Variants in PCMTD1 observed in about 807,000 individuals in gnomAD.
The protein encoded by PCMTD1 is protein-L-isoaspartate (D-aspartate) O-methyltransferase domain containing 1, also known as protein-L-isoaspartate O-methyltransferase domain-containing protein 1.
In PCMTD1, 12 loss-of-function variants were observed where a neutral mutation model predicts 37.6. That is an observed-to-expected ratio of 0.32 (90% CI 0.20 to 0.52). PCMTD1 has a LOEUF of 0.52. Ranked by LOEUF, PCMTD1 falls within the 20% of genes least tolerant of loss-of-function variation. The pLI, the probability that PCMTD1 is intolerant of heterozygous loss-of-function variation, is 0.97. For synonymous variants in PCMTD1, 117 were observed against 135.8 expected (o/e 0.86, Z 0.96); for missense variants, 235 against 421.3 (o/e 0.56, Z 3.87).
chr8:51,820,474 TTCC>T lies in PCMTD1; in HGVS notation c.948_950del (p.Glu317del). The T allele has an allele frequency of 3.1e-6, 5 of 1,614,058 alleles. No individual in the cohort carries two copies. The highest frequency in any genetic ancestry group is 4.2e-6 in the Non-Finnish European group (5 of 1,179,954). ...GCTTCATTGCTTCATTGTGATCTTT[TTCC>T]TCCTCTTCTTTGTTATCCTCTTCCA... On this transcript the variant is annotated inframe_deletion, in exon 6 of 6. Coordinates refer to ENST00000522514, the MANE Select transcript of PCMTD1 (RefSeq NM_052937.4).
intron 1 of PCMTD1, chr8:51,896,242 G>C (rs923720088): frequency 1.3e-5 from 2 of 152,006 alleles, no homozygotes; most frequent in Non-Finnish European, 2.9e-5. Context: ...CACTGCCCCC[G>C]GCCGCCACAT....
chr8:51,890,608 TATA>T (rs1383513763), intron 1 of PCMTD1, among the ~76,000 whole-genome samples: 4 of 152,328 alleles, frequency 2.6e-5, no homozygotes, highest in Non-Finnish European at 1.5e-5. Context: ...ACTACAAAGA[TATA>T]ATGATACATA....
chr8:51,848,253 A>AC (rs2038252294), intron 2 of PCMTD1, among the ~76,000 whole-genome samples: 1 of 151,214 alleles, frequency 6.6e-6, no homozygotes, highest in Non-Finnish European at 1.5e-5. Flanking sequence ...TGCCACTACA[A>AC]TCCGGGCTGG....
intron 5 of PCMTD1, among the ~76,000 whole-genome samples, chr8:51,829,904 T>C (rs747703606): frequency 2.0e-5 from 3 of 152,158 alleles, no homozygotes; most frequent in Non-Finnish European, 4.4e-5. Flanking sequence ...CAAATTCCTA[T>C]GCAATAAGTT....
chr8:51,843,938 C>T (rs1015219978), intron 3 of PCMTD1, among the ~76,000 whole-genome samples: 1 of 152,128 alleles, frequency 6.6e-6, no homozygotes, highest in Non-Finnish European at 1.5e-5. Flanking sequence ...TAAAAATTTG[C>T]TTTCACTAAT....
intron 2 of PCMTD1, among the ~76,000 whole-genome samples, chr8:51,860,316 T>C (rs562183002): frequency 6.4e-4 from 97 of 152,362 alleles, no homozygotes; most frequent in Non-Finnish European, 1.0e-3. Flanking sequence ...CTTTTGATCA[T>C]TGGCATATGC....
At chr8:51,865,052 T>C (rs946100443) in intron 1 of PCMTD1, among the ~76,000 whole-genome samples, 5 of 152,122 alleles carry the variant, frequency 3.3e-5, no homozygotes, top group African/African-American at 9.7e-5. Context: ...TAAGAGACTA[T>C]GAACAATTAT....
chr8:51,895,938 CTTTTTTTTTTTTTTT>C (rs869265261), intron 1 of PCMTD1: 1 of 25,736 alleles, frequency 3.9e-5, no homozygotes, highest in African/African-American at 5.8e-5. Flanking sequence ...TGTCCCATTT[CTTTTTTTTTTTTTTT>C]TTTTTTTTTT....
intron 2 of PCMTD1, among the ~76,000 whole-genome samples, chr8:51,850,237 G>T (rs1205856172): frequency 6.6e-6 from 1 of 152,076 alleles, no homozygotes; most frequent in East Asian, 1.9e-4. Flanking sequence ...ATTAAATTAT[G>T]TAAAACTTTG....
At chr8:51,848,145 TA>T (rs2038250598) in intron 2 of PCMTD1, among the ~76,000 whole-genome samples, 1 of 151,948 alleles carries the variant, frequency 6.6e-6, no homozygotes, top group Non-Finnish European at 1.5e-5. Flanking sequence ...GTTACATGTT[TA>T]TAAAAAAAGA....
At chr8:51,843,726 C>T (rs1449798196) in intron 3 of PCMTD1, among the ~76,000 whole-genome samples, 1 of 152,018 alleles carries the variant, frequency 6.6e-6, no homozygotes, top group Non-Finnish European at 1.5e-5. Context: ...ACATATTTTC[C>T]TGTTTCCCAG....
intron 1 of PCMTD1, among the ~76,000 whole-genome samples, chr8:51,886,065 A>G (rs549838899): frequency 6.6e-6 from 1 of 152,242 alleles, no homozygotes; most frequent in Non-Finnish European, 1.5e-5. Flanking sequence ...TCTTTCCTCC[A>G]AACTGGTAAG....
chr8:51,895,192 G>C (rs2038983360), intron 1 of PCMTD1, among the ~76,000 whole-genome samples: 1 of 152,160 alleles, frequency 6.6e-6, no homozygotes. Flanking sequence ...TTCAGGAAGT[G>C]AGAGAGAAAA....
intron 3 of PCMTD1, among the ~76,000 whole-genome samples, chr8:51,840,193 T>C (rs1166691153): frequency 2.6e-5 from 4 of 152,274 alleles, no homozygotes; most frequent in South Asian, 2.1e-4. Context: ...GAGAAATTCA[T>C]AGTAACAAAA....
intron 1 of PCMTD1, among the ~76,000 whole-genome samples, chr8:51,897,863 A>G (rs1517306): frequency 0.51 from 77,133 of 152,092 alleles, 23,676 homozygotes; most frequent in Non-Finnish European, 0.68. Context: ...TCCATGATGC[A>G]TTGTTGGCTA....
intron 2 of PCMTD1, among the ~76,000 whole-genome samples, chr8:51,846,190 C>T (rs148234448): frequency 1.6e-3 from 239 of 152,312 alleles, no homozygotes; most frequent in African/African-American, 5.3e-3. Flanking sequence ...CTCAGGGCAT[C>T]GCTACCCCCA....
At chr8:51,847,447 C>CA (rs964154413) in intron 2 of PCMTD1, among the ~76,000 whole-genome samples, 1 of 151,830 alleles carries the variant, frequency 6.6e-6, no homozygotes, top group Non-Finnish European at 1.5e-5. Flanking sequence ...GCCAACATGG[C>CA]AAAACCCTGT....
intron 1 of PCMTD1, among the ~76,000 whole-genome samples, chr8:51,886,336 CCT>C (rs1346703072): frequency 6.6e-6 from 1 of 152,118 alleles, no homozygotes; most frequent in East Asian, 1.9e-4. Context: ...AACTATAGCC[CCT>C]CACCTTTCAG....
intron 3 of PCMTD1, among the ~76,000 whole-genome samples, chr8:51,841,061 A>G (rs972099656): frequency 6.6e-6 from 1 of 152,318 alleles, no homozygotes; most frequent in Admixed American, 6.5e-5. Flanking sequence ...GGAAAGAAAT[A>G]TTAGAATAAA....
Sources: allele counts gnomAD v4.1 joint callset (sites outside exome capture counted in the v4.1 genomes callset), GRCh38; gene constraint gnomAD v4.1.1; transcripts MANE v1.5; gene names NCBI Gene and HGNC (gene_info 2026-07-23, HGNC 2026-07-21).